Variants in NCOA2 observed in about 807,000 individuals in gnomAD.
NCOA2 encodes the protein nuclear receptor coactivator 2, also known as class E basic helix-loop-helix protein 75.
A neutral mutation model predicts 145.1 loss-of-function variants in NCOA2; 21 were observed. The ratio of observed to expected loss-of-function variants is 0.14; its 90% CI spans 0.10 to 0.21. The LOEUF (loss-of-function observed/expected upper bound fraction) is 0.21. Among genes scored for constraint, NCOA2 ranks in the 10% least tolerant of loss-of-function variants. The pLI, the probability that NCOA2 is intolerant of heterozygous loss-of-function variation, is 1.00. For missense variants in NCOA2, 1,472 were observed against 1,837.6 expected, an observed-to-expected ratio of 0.80 and a Z score of 3.64; for synonymous variants, 619 against 637.5, an observed-to-expected ratio of 0.97 and a Z score of 0.44.
chr8:70,213,196 T>G (rs1819234531), intron 4 of NCOA2, among the ~76,000 whole-genome samples: 1 of 151,894 alleles, frequency 6.6e-6, no homozygotes, highest in Non-Finnish European at 1.5e-5. Context: ...ATATTGGCCC[T>G]GGGCACCAAA....
chr8:70,433,343 T>TAA, the NCOA2 span, among the ~76,000 whole-genome samples: 5 of 138,022 alleles, frequency 3.6e-5, no homozygotes, highest in African/African-American at 8.0e-5. Flanking sequence ...AGAAGTACAC[T>TAA]AAAAAAAAAA....
chr8:70,194,050 G>C (rs1586040237), intron 4 of NCOA2, among the ~76,000 whole-genome samples: 1 of 152,190 alleles, frequency 6.6e-6, no homozygotes, highest in Admixed American at 6.5e-5. Flanking sequence ...TCTAACACTG[G>C]AAGAGCAGAA....
chr8:70,128,911 C>T lies in NCOA2; in HGVS notation c.3394G>A (p.Val1132Ile), dbSNP rs115177449. The T allele has an allele frequency of 8.0e-4, 1,289 of 1,612,912 alleles. 5 individuals carry two copies. The highest frequency in any genetic ancestry group is 7.6e-3 in the African/African-American group (570 of 75,012). Residue 1132 changes from valine to isoleucine, a missense_variant, in exon 17 of 23, where the codon GTT becomes ATT. By Grantham distance (29) the Val-to-Ile change is conservative (BLOSUM62 3). Transcript: ENST00000452400. Reference protein sequence around the residue: ...SNIMLEQKAPVFPQQYASQAQ... With the variant: ...SNIMLEQKAPIFPQQYASQAQ... Reference sequence around the variant, plus strand: ...TGAGATGCATACTGCTGTGGGAAAACGGGCGCCTTCTGCTCCAGCATGATG... The same window carrying T: ...TGAGATGCATACTGCTGTGGGAAAATGGGCGCCTTCTGCTCCAGCATGATG...
intron 1 of NCOA2, among the ~76,000 whole-genome samples, chr8:70,384,937 A>C (rs1468709987): frequency 6.6e-6 from 1 of 152,242 alleles, no homozygotes; most frequent in African/African-American, 2.4e-5. Flanking sequence ...TTGTAATAAT[A>C]ATCATTCTGT....
chr8:70,443,651 G>A, the NCOA2 span, among the ~76,000 whole-genome samples: 1 of 151,972 alleles, frequency 6.6e-6, no homozygotes. Flanking sequence ...CTGCAGCCTT[G>A]AACTTCTGGG....
chr8:70,434,369 C>T, the NCOA2 span, among the ~76,000 whole-genome samples: 1 of 152,166 alleles, frequency 6.6e-6, no homozygotes, highest in African/African-American at 2.4e-5. Context: ...TCAGAACTGA[C>T]ACATTCTAGC....
intron 14 of NCOA2, among the ~76,000 whole-genome samples, chr8:70,140,593 G>GTTTTTTTTT (rs71558582): frequency 2.5e-5 from 2 of 79,790 alleles, no homozygotes; most frequent in African/African-American, 5.5e-5. Context: ...TACCACCTAA[G>GTTTTTTTTT]TTTTTTTTTT....
chr8:70,174,527 T>G (rs1814616571), intron 5 of NCOA2, among the ~76,000 whole-genome samples: 1 of 152,164 alleles, frequency 6.6e-6, no homozygotes, highest in South Asian at 2.1e-4. Flanking sequence ...CTTGTCAATG[T>G]CTACTCTAAT....
At chr8:70,190,336 G>C (rs72663942) in intron 4 of NCOA2, among the ~76,000 whole-genome samples, 4,541 of 152,230 alleles carry the variant, frequency 0.03, 90 homozygotes, top group South Asian at 0.054. Context: ...TATACAAAGA[G>C]GAGTTATACT....
chr8:70,327,789 T>C (rs989820844), intron 1 of NCOA2, among the ~76,000 whole-genome samples: 5 of 152,144 alleles, frequency 3.3e-5, no homozygotes, highest in Non-Finnish European at 5.9e-5. Context: ...TGAATGTAGA[T>C]AGATGGAGAG....
At chr8:70,157,429 G>C (rs1318807368) in intron 10 of NCOA2, among the ~76,000 whole-genome samples, 189 bp from the exon 11 acceptor site, 8 of 152,208 alleles carry the variant, frequency 5.3e-5, no homozygotes, top group Non-Finnish European at 1.2e-4. Context: ...TGGACCAAGA[G>C]GGATGTTTTT....
At chr8:70,168,486 T>A (rs1377154236) in intron 6 of NCOA2, among the ~76,000 whole-genome samples, 1 of 152,068 alleles carries the variant, frequency 6.6e-6, no homozygotes, top group Non-Finnish European at 1.5e-5. Context: ...GCCTGGCTAA[T>A]GTTTTGTATT....
the NCOA2 span, among the ~76,000 whole-genome samples, chr8:70,422,768 T>C: frequency 3.3e-5 from 5 of 152,362 alleles, no homozygotes; most frequent in Admixed American, 2.6e-4. Context: ...GTGTTTTTTT[T>C]CTTTTAAATA....
chr8:70,314,767 CTG>C (rs1805449062), intron 1 of NCOA2, among the ~76,000 whole-genome samples: 1 of 152,178 alleles, frequency 6.6e-6, no homozygotes, highest in South Asian at 2.1e-4. Flanking sequence ...GTGAACAAGA[CTG>C]TTGTCTTTCT....
At chr8:70,422,111 A>C in the NCOA2 span, among the ~76,000 whole-genome samples, 3 of 152,256 alleles carry the variant, frequency 2.0e-5, no homozygotes, top group African/African-American at 7.2e-5. Flanking sequence ...AAAAAAAGTA[A>C]AAATATAAAC....
At chr8:70,348,961 C>T (rs1808924194) in intron 1 of NCOA2, among the ~76,000 whole-genome samples, 1 of 138,250 alleles carries the variant, frequency 7.2e-6, no homozygotes, top group Admixed American at 8.3e-5. Flanking sequence ...AAAGGGCATA[C>T]TGGCATAGAA....
intron 4 of NCOA2, among the ~76,000 whole-genome samples, chr8:70,186,618 G>C (rs2133130307): frequency 6.6e-6 from 1 of 152,294 alleles, no homozygotes; most frequent in South Asian, 2.1e-4. Context: ...TTGTTCTGAA[G>C]ATCAAAAATA....
At chr8:70,324,455 A>C (rs932934031) in intron 1 of NCOA2, among the ~76,000 whole-genome samples, 5 of 152,134 alleles carry the variant, frequency 3.3e-5, no homozygotes, top group African/African-American at 1.2e-4. Context: ...CTCCTGCCTC[A>C]GCCTCCCAGG....
At chr8:70,299,754 TTCTC>T (rs904258612) in intron 1 of NCOA2, among the ~76,000 whole-genome samples, 1 of 152,230 alleles carries the variant, frequency 6.6e-6, no homozygotes, top group Non-Finnish European at 1.5e-5. Flanking sequence ...GTTTGGAAGT[TTCTC>T]ACTACACAAT....
Sources: gnomAD v4.1 joint callset for allele counts (sites outside exome capture counted in the v4.1 genomes callset) on GRCh38, gnomAD v4.1.1 for gene constraint, MANE v1.5 for transcripts, NCBI Gene and HGNC (gene_info 2026-07-23, HGNC 2026-07-21) for gene names.